Variants in HDAC4 observed in about 807,000 individuals in gnomAD.
HDAC4 encodes the protein histone deacetylase 4.
A neutral mutation model predicts 135.1 loss-of-function variants in HDAC4; 16 were observed. The ratio of observed to expected loss-of-function variants is 0.12; its 90% CI spans 0.08 to 0.18. The LOEUF is 0.18. HDAC4 is among the 10% of genes least tolerant of loss of function. The probability of loss-of-function intolerance (pLI) is 1.00; values close to 1 mark genes in which losing one functional copy is unlikely to be tolerated. For missense variants in HDAC4, 1,143 were observed against 1,511.8 expected (o/e 0.76, Z 4.05); for synonymous variants, 685 against 653.4 (o/e 1.05, Z -0.74).
At chr2:239,078,618 C>T (rs1467936063) in intron 22 of HDAC4, among the ~76,000 whole-genome samples, 1 of 152,194 alleles carries the variant, frequency 6.6e-6, no homozygotes, top group African/African-American at 2.4e-5. Context: ...TTATCACGGA[C>T]ACACTTGGCA....
rs990057782 is a variant in HDAC4 at position 239,139,947 on chromosome 2, CA to C, written c.866-152del. 2 of 628,154 alleles carry C rather than the reference CA, an allele frequency of 3.2e-6. No homozygotes were observed. The highest frequency in any genetic ancestry group is 3.7e-5 in the African/African-American group (2 of 54,572). The allele number at this position is 628,154 out of a possible 1,614,324, so 38.9% of individuals were successfully genotyped here. A position where few individuals can be genotyped will look rare whatever the true frequency, so the allele number is the denominator to read the frequency against. ...AACAAAAAGAACATGGCCATGGTTT[CA>C]AAAAAGAAAGTATGATGCTGATTTC... On this transcript the variant is annotated intron_variant, in intron 8 of 26. Transcript: ENST00000543185. This position sits in a 1 kb window ranked among gnomAD's most constrained non-coding sequence, Gnocchi z 5.3.
In HDAC4 at chr2:239,073,918, C is replaced by T. The variant is rs182641324; in HGVS notation, c.2751-5311G>A. On this transcript the variant is annotated intron_variant, in intron 22 of 26. Transcript: ENST00000543185. ...CCACAGTCCTTTCTGACCGACATTC[C>T]GAGGCTTCCTCCATGGCTCTGACCA... 3.5e-3 allele frequency among the ~76,000 whole-genome samples: 529 copies of T among 152,268 alleles called. 5 individuals carry two copies. Among genetic ancestry groups the T allele is most frequent in the African/African-American group, 0.012 (505 of 41,566 alleles).
chr2:239,296,750 C>T (rs1166486501), intron 2 of HDAC4, among the ~76,000 whole-genome samples: 1 of 152,112 alleles, frequency 6.6e-6, no homozygotes, highest in Non-Finnish European at 1.5e-5. Context: ...GTGCTTCAGT[C>T]AGGTCAAGGG....
At chr2:239,066,628 G>A in intron 24 of HDAC4, 94 bp downstream of exon 24, 1 of 1,572,118 alleles carries the variant, frequency 6.4e-7, no homozygotes, top group South Asian at 1.1e-5. Context: ...GAGACCCACT[G>A]GCTTTTTCAT....
intron 2 of HDAC4, among the ~76,000 whole-genome samples, chr2:239,246,548 G>A (rs1419681062): frequency 2.1e-5 from 3 of 140,856 alleles, no homozygotes; most frequent in Admixed American, 7.0e-5. Flanking sequence ...TGATGGCCAC[G>A]GCGCCGGCAG....
rs111261957 is a variant in HDAC4 at position 239,061,981 on chromosome 2, C to T, written c.3003+4741G>A. ...GTCCTTTCCTAACCTCCCGGGGGCA[C>T]GGGCCTGGGCCACAGATCCCCGTGG... On this transcript the variant is annotated intron_variant, in intron 24 of 26. Coordinates refer to ENST00000543185, the MANE Select transcript of HDAC4 (RefSeq NM_001378414.1). Among the ~76,000 whole-genome samples, 78 of 152,366 alleles carry T rather than the reference C, an allele frequency of 5.1e-4. 1 individual carries two copies. The highest frequency in any genetic ancestry group is 1.8e-3 in the African/African-American group (75 of 41,602).
At position 239,167,136 on chromosome 2, in the gene HDAC4, A is replaced by T. The variant is rs774841429; in HGVS notation, c.491-3213T>A. Among the ~76,000 whole-genome samples, 8 of 151,724 alleles carry T rather than the reference A, an allele frequency of 5.3e-5. No individual in the cohort carries two copies. The highest frequency in any genetic ancestry group is 1.2e-4 in the Non-Finnish European group (8 of 67,892). On this transcript the variant is annotated intron_variant, in intron 5 of 26. Transcript: ENST00000543185. This position sits in a 1 kb window ranked among gnomAD's most constrained non-coding sequence, Gnocchi z 4.1. The stretch of plus-strand genomic sequence containing the variant: ...AAGAAGCAGGTTCTCGGTGTGCGGG[A>T]CGAGGACGCCCTCAACACTTTCCAG...
chr2:239,255,913 GA>G (rs2049029338), intron 2 of HDAC4, among the ~76,000 whole-genome samples: 1 of 152,144 alleles, frequency 6.6e-6, no homozygotes, highest in Non-Finnish European at 1.5e-5. Flanking sequence ...TTCTTTGTGA[GA>G]AATAATCAGC....
rs1288120617 is a variant in HDAC4, at chr2:239,051,756, T to C, written c.*1341A>G. 1 of 152,426 alleles carries C rather than the reference T, an allele frequency of 6.6e-6. No individual in the cohort carries two copies. Among genetic ancestry groups the C allele is most frequent in the Non-Finnish European group, 1.5e-5 (1 of 68,032 alleles). The allele number at this position is 152,426 out of a possible 1,614,324, so 9.4% of individuals were successfully genotyped here. ...AATCTGGAGCTTGAGAAAACATGAA[T>C]TTCAATCAATCAGGATCCCTTTCCA... is the stretch of plus-strand genomic sequence containing the variant. On this transcript the variant is annotated 3_prime_UTR_variant, in exon 27 of 27. Transcript: ENST00000543185.
In HDAC4 at chr2:239,052,828, G is replaced by T. The variant is rs1467749879; in HGVS notation, c.*269C>A. The T allele has an allele frequency of 1.9e-6, 1 of 524,134 alleles. No individual in the cohort carries two copies. The highest frequency in any genetic ancestry group is 3.4e-6 in the Non-Finnish European group (1 of 291,060). 32.5% of individuals were successfully genotyped at this position (524,134 alleles called of 1,614,324 possible). A position where few individuals can be genotyped will look rare whatever the true frequency, so the allele number is the denominator to read the frequency against. Reference sequence around the variant, plus strand: ...CGTCCCTTGCGGGACCCGCCAGAGTGTGCTTGGCTTCCGCGTGTCCGTGTG... The same window carrying T: ...CGTCCCTTGCGGGACCCGCCAGAGTTTGCTTGGCTTCCGCGTGTCCGTGTG... On this transcript the variant is annotated 3_prime_UTR_variant, in exon 27 of 27. Transcript: ENST00000543185.
chr2:239,174,656 T>A (rs1219320145), intron 5 of HDAC4, among the ~76,000 whole-genome samples: 1 of 152,248 alleles, frequency 6.6e-6, no homozygotes, highest in Non-Finnish European at 1.5e-5. Flanking sequence ...TTTGCCCACA[T>A]GTACCAAGAA....
intron 1 of HDAC4, among the ~76,000 whole-genome samples, chr2:239,356,574 G>A (rs758346922): frequency 1.3e-5 from 2 of 152,140 alleles, no homozygotes; most frequent in Non-Finnish European, 2.9e-5. Context: ...ATGGACAAAT[G>A]TATATCACAT....
intron 4 of HDAC4, among the ~76,000 whole-genome samples, chr2:239,184,284 TG>T (rs111920816): frequency 1.3e-5 from 2 of 149,908 alleles, no homozygotes; most frequent in Non-Finnish European, 3.0e-5. Flanking sequence ...CTGTGCCCTA[TG>T]GGGGGGTCCC....
chr2:239,073,494 G>C (rs1029301660), intron 22 of HDAC4, among the ~76,000 whole-genome samples: 1 of 152,258 alleles, frequency 6.6e-6, no homozygotes, highest in African/African-American at 2.4e-5. Context: ...GCATCGGCGT[G>C]CGAGCGTCCC....
At chr2:239,261,252 C>T (rs2049348125) in intron 2 of HDAC4, among the ~76,000 whole-genome samples, 1 of 152,142 alleles carries the variant, frequency 6.6e-6, no homozygotes, top group African/African-American at 2.4e-5. Flanking sequence ...ACTGCCGAGG[C>T]CTAAATGCAC....
chr2:239,264,895 G>A (rs572293716), intron 2 of HDAC4, among the ~76,000 whole-genome samples: 64 of 152,340 alleles, frequency 4.2e-4, no homozygotes, highest in African/African-American at 1.5e-3. Flanking sequence ...TGCTGGAGGT[G>A]TGGCAATGGG....
chr2:239,072,363 C>T (rs137993266), intron 22 of HDAC4, among the ~76,000 whole-genome samples: 32 of 152,332 alleles, frequency 2.1e-4, no homozygotes, highest in Admixed American at 1.8e-3. Flanking sequence ...CTAGTTTGCA[C>T]GATTCCCACT....
rs4852029 is a variant in HDAC4, at chr2:239,165,588, G to A, written c.491-1665C>T. On this transcript the variant is annotated intron_variant, in intron 5 of 26. Transcript: ENST00000543185. Reference sequence around the variant, plus strand: ...GTATATGCCAGCCCTGGCCTGGTTCGGCCTCGCATGAGAGCTATAAATAGG... The same window carrying A: ...GTATATGCCAGCCCTGGCCTGGTTCAGCCTCGCATGAGAGCTATAAATAGG... Among the ~76,000 whole-genome samples, 215 of 152,250 alleles carry A rather than the reference G, an allele frequency of 1.4e-3. 6 individuals carry two copies. The highest frequency in any genetic ancestry group is 0.011 in the Admixed American group (171 of 15,298).
At chr2:239,368,003 A>T (rs1358902483) in intron 1 of HDAC4, among the ~76,000 whole-genome samples, 1 of 152,102 alleles carries the variant, frequency 6.6e-6, no homozygotes, top group East Asian at 1.9e-4. Flanking sequence ...ATAAATAAAT[A>T]AATTTCATGT....
Sources: allele counts gnomAD v4.1 joint callset (sites outside exome capture counted in the v4.1 genomes callset), GRCh38; gene constraint gnomAD v4.1.1; non-coding constraint Gnocchi (gnomAD v3.1); transcripts MANE v1.5; gene names NCBI Gene and HGNC (gene_info 2026-07-23, HGNC 2026-07-21).